The following MAP2K5 variants were observed in gnomAD, a reference collection of about 807,000 sequenced individuals.
The protein encoded by MAP2K5 is mitogen-activated protein kinase kinase 5, also known as dual specificity mitogen-activated protein kinase kinase 5.
MAP2K5 carries 49 observed loss-of-function variants against 83.1 expected under a neutral mutation model. That is an observed-to-expected ratio of 0.59 (90% CI 0.47 to 0.75). The LOEUF (loss-of-function observed/expected upper bound fraction) is 0.75. Ranked by LOEUF, MAP2K5 falls within the 30% of genes least tolerant of loss-of-function variation. MAP2K5 has a pLI of 0.00. For missense variants in MAP2K5, 457 were observed against 557.5 expected, an observed-to-expected ratio of 0.82 and a Z score of 1.82; for synonymous variants, 202 against 191.8, an observed-to-expected ratio of 1.05 and a Z score of -0.44.
rs2086632836 is a variant in MAP2K5, at chr15:67,637,729, A to T, written c.585+6802A>T. ...GCTTCCTTGGCCTCCTCAGACTCTCAGTTTTGTCTTCTCATCTTAGGGAGA... is the reference window on the plus strand; with the variant it reads ...GCTTCCTTGGCCTCCTCAGACTCTCTGTTTTGTCTTCTCATCTTAGGGAGA... On this transcript the variant is annotated intron_variant, in intron 9 of 21. Transcript: ENST00000178640. This position sits in a 1 kb window ranked among gnomAD's most constrained non-coding sequence, Gnocchi z 4.5. Among the ~76,000 whole-genome samples the T allele has an allele frequency of 6.6e-6, 1 of 151,838 alleles. No individual in the cohort carries two copies. Among genetic ancestry groups the T allele is most frequent in the Non-Finnish European group, 1.5e-5 (1 of 67,974 alleles).
rs1000479832 is a variant in MAP2K5 at position 67,563,429 on chromosome 15, C to T, written c.252+79C>T. The T allele has an allele frequency of 2.5e-5, 37 of 1,492,860 alleles. No homozygotes were observed. Among genetic ancestry groups the T allele is most frequent in the Non-Finnish European group, 3.0e-5 (34 of 1,117,518 alleles). 92.5% of individuals were successfully genotyped at this position (1,492,860 alleles called of 1,614,324 possible). On this transcript the variant is annotated intron_variant, in intron 3 of 21. Coordinates refer to ENST00000178640, the MANE Select transcript of MAP2K5 (RefSeq NM_145160.3). This position sits in a 1 kb window ranked among gnomAD's most constrained non-coding sequence, Gnocchi z 4.5. ...TGCTGTTTCTTGGGCATAGTGAAGA[C>T]GAGTAAATAAATCACAGTTGTCATA...
chr15:67,687,014 G>A lies in MAP2K5; in HGVS notation c.848-5465G>A, dbSNP rs555489579. 1.3e-4 allele frequency among the ~76,000 whole-genome samples: 20 copies of A among 152,196 alleles called. No individual in the cohort carries two copies. The South Asian group carries it at 4.2e-3, about 32-fold the overall frequency. Reference sequence around the variant, plus strand: ...AAACACAGCAAACTTTTGAGGTGATGGAAATGTTCTGTATCTTGATCATGG... The same window carrying A: ...AAACACAGCAAACTTTTGAGGTGATAGAAATGTTCTGTATCTTGATCATGG... On this transcript the variant is annotated intron_variant, in intron 13 of 21. Coordinates refer to ENST00000178640, the MANE Select transcript of MAP2K5 (RefSeq NM_145160.3).
Position 67,724,401 on chromosome 15 carries a change from T to G in MAP2K5, c.1045-3515T>G, listed in dbSNP as rs2089042950. Among the ~76,000 whole-genome samples, 2 of 151,984 alleles carry G rather than the reference T, an allele frequency of 1.3e-5. No individual in the cohort carries two copies. Among genetic ancestry groups the G allele is most frequent in the South Asian group, 4.1e-4 (2 of 4,822 alleles). On this transcript the variant is annotated intron_variant, in intron 16 of 21. Transcript: ENST00000178640. The surrounding 1 kb of genome is among the most constrained non-coding windows in gnomAD (Gnocchi z 4.4). ...AACTCGTTCTTTTTTATTTATTTAT[T>G]TATTTATTTTTTGAGTTAGGGTCTC...
chr15:67,642,535 G>A (rs2086738204), intron 9 of MAP2K5: 3 of 1,185,404 alleles, frequency 2.5e-6, no homozygotes, highest in East Asian at 2.3e-5. Flanking sequence ...TTCAAGCTGG[G>A]TCTAAAAGAT....
intron 21 of MAP2K5, among the ~76,000 whole-genome samples, chr15:67,797,840 A>G (rs1482791361): frequency 2.6e-5 from 4 of 151,786 alleles, no homozygotes; most frequent in Admixed American, 2.6e-4. Flanking sequence ...GCGCCACCAC[A>G]CCTGGATAAT....
At chr15:67,756,906 GGTGT>G (rs921043976) in intron 19 of MAP2K5, among the ~76,000 whole-genome samples, 1 of 151,860 alleles carries the variant, frequency 6.6e-6, no homozygotes, top group Non-Finnish European at 1.5e-5. Context: ...ATTCCATTTT[GGTGT>G]GTGTATCGAT....
intron 12 of MAP2K5, among the ~76,000 whole-genome samples, chr15:67,663,855 A>G (rs2087302370): frequency 1.3e-5 from 2 of 152,194 alleles, no homozygotes; most frequent in South Asian, 2.1e-4. Context: ...AGCCTGGGCA[A>G]CAGAGTGAGA....
At position 67,779,146 on chromosome 15, in the gene MAP2K5, A is replaced by G. The variant is rs549698791; in HGVS notation, c.1242+6394A>G. 4.1e-4 allele frequency among the ~76,000 whole-genome samples: 62 copies of G among 152,368 alleles called. No individual in the cohort carries two copies. The highest frequency in any genetic ancestry group is 2.3e-3 in the East Asian group (12 of 5,186). On this transcript the variant is annotated intron_variant, in intron 21 of 21. Transcript: ENST00000178640. The surrounding 1 kb of genome is among the most constrained non-coding windows in gnomAD (Gnocchi z 4.6). ...ATTGTAACTTCAGCTGAGTATTTCCATCATGCACAAAAGTCATCACAACAG... is the reference window on the plus strand; with the variant it reads ...ATTGTAACTTCAGCTGAGTATTTCCGTCATGCACAAAAGTCATCACAACAG...
rs2141355243 is a variant in MAP2K5 at position 67,807,056 on chromosome 15, T to C, written c.*306T>C. 1 of 1,051,358 alleles carries C rather than the reference T, an allele frequency of 9.5e-7. No individual in the cohort carries two copies. The highest frequency in any genetic ancestry group is 1.6e-5 in the South Asian group (1 of 61,018). 65.1% of individuals were successfully genotyped at this position (1,051,358 alleles called of 1,614,324 possible). A position where few individuals can be genotyped will look rare whatever the true frequency, so the allele number is the denominator to read the frequency against. Reference sequence around the variant, plus strand: ...TCTGTTTTCCTAATGTTTTTCTCTATAAAGGGTCAGGCCCGTCAGCATCAC... The same window carrying C: ...TCTGTTTTCCTAATGTTTTTCTCTACAAAGGGTCAGGCCCGTCAGCATCAC... On this transcript the variant is annotated 3_prime_UTR_variant, in exon 22 of 22. Coordinates refer to ENST00000178640, the MANE Select transcript of MAP2K5 (RefSeq NM_145160.3). This position sits in a 1 kb window ranked among gnomAD's most constrained non-coding sequence, Gnocchi z 5.1.
chr15:67,627,931 T>C (rs1324807885), intron 8 of MAP2K5: 2 of 790,588 alleles, frequency 2.5e-6, no homozygotes, highest in Admixed American at 3.6e-5. Context: ...AAACAACCGA[T>C]GAGAGCCTGA....
At chr15:67,546,611 T>C (rs2084393990) in intron 1 of MAP2K5, 2 of 985,638 alleles carry the variant, frequency 2.0e-6, no homozygotes, top group Non-Finnish European at 2.4e-6. Context: ...TCTTCTGTTT[T>C]GCAGCTTTCT....
intron 21 of MAP2K5, among the ~76,000 whole-genome samples, chr15:67,799,995 A>G (rs891212580): frequency 6.6e-6 from 1 of 152,060 alleles, no homozygotes; most frequent in Non-Finnish European, 1.5e-5. Flanking sequence ...TTGCTGAGTC[A>G]CTTATCAGGT....
rs1015756822 is a variant in MAP2K5, at chr15:67,552,516, C to A, written c.184+2434C>A. 1.3e-5 allele frequency among the ~76,000 whole-genome samples: 2 copies of A among 152,092 alleles called. No homozygotes were observed. The highest frequency in any genetic ancestry group is 2.9e-5 in the Non-Finnish European group (2 of 68,014). On this transcript the variant is annotated intron_variant, in intron 2 of 21. Coordinates refer to ENST00000178640, the MANE Select transcript of MAP2K5 (RefSeq NM_145160.3). This position sits in a 1 kb window ranked among gnomAD's most constrained non-coding sequence, Gnocchi z 4.2. The stretch of plus-strand genomic sequence containing the variant: ...GTGACATGATGATAGCTCACTGCAG[C>A]CTTAAACTCCTGGGCTCAAGTGATC...
In MAP2K5 at chr15:67,703,299, A is replaced by G. The variant is rs371096821; in HGVS notation, c.973-38A>G. On this transcript the variant is annotated intron_variant, in intron 15 of 21. Transcript: ENST00000178640. ...TGGTGTATGTGTTTTCCTGAGTAGC[A>G]TCCGTCCACTCACAGGCTCCCTTCT... 4.7e-6 allele frequency: 7 copies of G among 1,476,326 alleles called. No individual in the cohort carries two copies. The African/African-American group carries it at 8.3e-5, about 18-fold the overall frequency. The allele number at this position is 1,476,326 out of a possible 1,614,324, so 91.5% of individuals were successfully genotyped here.
intron 21 of MAP2K5, among the ~76,000 whole-genome samples, chr15:67,805,349 G>T (rs1342335435): frequency 1.3e-5 from 2 of 152,208 alleles, no homozygotes; most frequent in East Asian, 3.9e-4. Flanking sequence ...TGGTCCAGAG[G>T]GGCCATGCCG....
intron 19 of MAP2K5, among the ~76,000 whole-genome samples, chr15:67,766,565 A>G (rs11071959): frequency 0.29 from 43,564 of 152,146 alleles, 6,675 homozygotes; most frequent in African/African-American, 0.39. Context: ...ATGACTAGAT[A>G]CTTTCCCTTC....
chr15:67,571,494 T>C (rs1460118886), intron 3 of MAP2K5, among the ~76,000 whole-genome samples: 5 of 152,200 alleles, frequency 3.3e-5, no homozygotes, highest in Non-Finnish European at 7.3e-5. Flanking sequence ...GATATCTCAG[T>C]CGCCTTGTTT....
intron 16 of MAP2K5, among the ~76,000 whole-genome samples, chr15:67,705,781 A>G (rs536542067): frequency 2.0e-5 from 3 of 152,236 alleles, no homozygotes; most frequent in Non-Finnish European, 2.9e-5. Context: ...CCTCTCTGGT[A>G]AAGTACCACT....
intron 8 of MAP2K5, among the ~76,000 whole-genome samples, chr15:67,603,565 GA>G (rs1181683997): frequency 6.6e-6 from 1 of 152,184 alleles, no homozygotes; most frequent in Non-Finnish European, 1.5e-5. Flanking sequence ...TGATTCTTGA[GA>G]GGGGCGGTGA....
Sources: allele counts gnomAD v4.1 joint callset (sites outside exome capture counted in the v4.1 genomes callset), GRCh38; gene constraint gnomAD v4.1.1; non-coding constraint Gnocchi (gnomAD v3.1); transcripts MANE v1.5; gene names NCBI Gene and HGNC (gene_info 2026-07-23, HGNC 2026-07-21).